The following CSMD1 variants were observed in gnomAD, a reference collection of about 807,000 sequenced individuals.
CSMD1 encodes CUB and Sushi multiple domains 1.
A neutral mutation model predicts 417.5 loss-of-function variants in CSMD1; 213 were observed. The ratio of observed to expected loss-of-function variants is 0.51; its 90% CI spans 0.46 to 0.57. The LOEUF is 0.57. Among genes scored for constraint, CSMD1 ranks in the 20% least tolerant of loss-of-function variants. The pLI is 0.00. For synonymous variants in CSMD1, 2,862 were observed against 1,736.8 expected, an observed-to-expected ratio of 1.65 and a Z score of -16.11; for missense variants, 6,923 against 4,529.7, an observed-to-expected ratio of 1.53 and a Z score of -15.17.
chr8:3,616,280 T>A (rs986415114), intron 8 of CSMD1, among the ~76,000 whole-genome samples: 1 of 152,136 alleles, frequency 6.6e-6, no homozygotes, highest in African/African-American at 2.4e-5. Flanking sequence ...CTCATGTTAG[T>A]GAGTGAGTTC....
chr8:3,420,787 A>G (rs1813439579), intron 12 of CSMD1, among the ~76,000 whole-genome samples: 2 of 152,184 alleles, frequency 1.3e-5, no homozygotes, highest in African/African-American at 2.4e-5. Context: ...TACTTTCACC[A>G]TTCTGCGCAT....
intron 2 of CSMD1, among the ~76,000 whole-genome samples, chr8:4,462,929 CA>C (rs1311223057): frequency 6.6e-6 from 1 of 152,004 alleles, no homozygotes; most frequent in East Asian, 1.9e-4. Flanking sequence ...GATATGACAT[CA>C]AAAGCACAAG....
chr8:4,166,134 T>A (rs1279407353), intron 3 of CSMD1, among the ~76,000 whole-genome samples: 1 of 152,174 alleles, frequency 6.6e-6, no homozygotes, highest in Non-Finnish European at 1.5e-5. Context: ...GCAAACATAA[T>A]GTGAACCCCA....
intron 3 of CSMD1, among the ~76,000 whole-genome samples, chr8:4,258,903 G>T (rs73500607): frequency 0.13 from 19,291 of 152,092 alleles, 1,428 homozygotes; most frequent in East Asian, 0.35. Context: ...TTTAAACTTT[G>T]CTTTGTTCTA....
At chr8:3,585,801 A>C (rs1333327463) in intron 9 of CSMD1, among the ~76,000 whole-genome samples, 2 of 152,188 alleles carry the variant, frequency 1.3e-5, no homozygotes, top group African/African-American at 4.8e-5. Context: ...CGGGGTGCAC[A>C]GAAACCTTTC....
intron 3 of CSMD1, among the ~76,000 whole-genome samples, chr8:4,330,208 A>ACATCCGTCAGATCCACCTGTCAGATC (rs1563061995): frequency 6.6e-6 from 1 of 151,238 alleles, no homozygotes; most frequent in Non-Finnish European, 1.5e-5. Context: ...TTTCTCCATA[A>ACATCCGTCAGATCCACCTGTCAGATC]CACCCGTCAG....
chr8:3,268,380 C>T lies in CSMD1; in HGVS notation c.4153+15764G>A, dbSNP rs909651643. Among the ~76,000 whole-genome samples, 22 of 148,980 alleles carry T rather than the reference C, an allele frequency of 1.5e-4. No individual in the cohort carries two copies. In the South Asian group the frequency reaches 3.9e-3, roughly 26 times the overall value. ...CTCAGCTCACTGCAAGCTCCGCCTCCGAGGTTCACACCATTCTCCTGCCTC... is the reference window on the plus strand; with the variant it reads ...CTCAGCTCACTGCAAGCTCCGCCTCTGAGGTTCACACCATTCTCCTGCCTC... On this transcript the variant is annotated intron_variant, in intron 26 of 69. Transcript: ENST00000635120.
intron 3 of CSMD1, among the ~76,000 whole-genome samples, chr8:4,072,658 C>T (rs1156715813): frequency 6.6e-6 from 1 of 152,168 alleles, no homozygotes; most frequent in Non-Finnish European, 1.5e-5. Flanking sequence ...AGGAAGGCTT[C>T]CCCTTTATTT....
chr8:3,385,067 TAA>T (rs1279436106), intron 18 of CSMD1, among the ~76,000 whole-genome samples: 2 of 115,222 alleles, frequency 1.7e-5, no homozygotes, highest in Non-Finnish European at 3.2e-5. Context: ...ATATAATATA[TAA>T]ATATATATAT....
At chr8:4,052,223 C>G (rs1249674777) in intron 3 of CSMD1, among the ~76,000 whole-genome samples, 1 of 152,128 alleles carries the variant, frequency 6.6e-6, no homozygotes, top group Non-Finnish European at 1.5e-5. Context: ...CCGTGCCCAC[C>G]CAGTACTGCA....
Position 4,340,755 on chromosome 8 carries a change from T to G in CSMD1, c.415+79198A>C, listed in dbSNP as rs565292596. ...CTGAAAATTTATTTTCAGCAAACTC[T>G]GCAAAACTGTCAAGCAAACTCATAA... On this transcript the variant is annotated intron_variant, in intron 3 of 69. Coordinates refer to ENST00000635120, the MANE Select transcript of CSMD1 (RefSeq NM_033225.6). Among the ~76,000 whole-genome samples the G allele has an allele frequency of 3.4e-4, 52 of 152,196 alleles. 1 individual carries two copies. The South Asian group carries it at 9.9e-3, about 29-fold the overall frequency.
intron 3 of CSMD1, among the ~76,000 whole-genome samples, chr8:4,251,143 G>C (rs1448731385): frequency 6.6e-6 from 1 of 152,080 alleles, no homozygotes; most frequent in Non-Finnish European, 1.5e-5. Context: ...AAAGAGAAAA[G>C]TATAAAGGTA....
At chr8:4,115,965 TTTA>T (rs1802114033) in intron 3 of CSMD1, among the ~76,000 whole-genome samples, 2 of 502 alleles carry the variant, frequency 4.0e-3, no homozygotes, top group African/African-American at 0.011. Flanking sequence ...TTTTCATTAT[TTTA>T]TTTATTTATT....
At chr8:3,419,756 T>A (rs1813372273) in intron 12 of CSMD1, among the ~76,000 whole-genome samples, 1 of 152,240 alleles carries the variant, frequency 6.6e-6, no homozygotes, top group South Asian at 2.1e-4. Context: ...TCTGCATATC[T>A]AGATTCATTA....
chr8:4,282,170 C>G (rs1224587092), intron 3 of CSMD1, among the ~76,000 whole-genome samples: 1 of 152,164 alleles, frequency 6.6e-6, no homozygotes, highest in Non-Finnish European at 1.5e-5. Flanking sequence ...AAAATAACTT[C>G]TGAAGTCACG....
intron 12 of CSMD1, among the ~76,000 whole-genome samples, chr8:3,440,817 A>C (rs1814929150): frequency 6.6e-6 from 1 of 152,208 alleles, no homozygotes; most frequent in South Asian, 2.1e-4. Flanking sequence ...TTTATCACAA[A>C]CTGAGGACGA....
chr8:4,857,048 G>C (rs1225072619), intron 1 of CSMD1, among the ~76,000 whole-genome samples: 1 of 148,408 alleles, frequency 6.7e-6, no homozygotes, highest in Non-Finnish European at 1.5e-5. Context: ...TAAAAGAACA[G>C]AAATTATAAC....
intron 12 of CSMD1, among the ~76,000 whole-genome samples, chr8:3,444,155 G>GT (rs1815161060): frequency 6.6e-6 from 1 of 152,102 alleles, no homozygotes; most frequent in Admixed American, 6.6e-5. Flanking sequence ...GATTAATATT[G>GT]TAAGTGTCCA....
chr8:4,153,915 C>G (rs563505613), intron 3 of CSMD1, among the ~76,000 whole-genome samples: 1 of 152,342 alleles, frequency 6.6e-6, no homozygotes, highest in South Asian at 2.1e-4. Flanking sequence ...TCTAACCCAG[C>G]CAACGAGGCA....
Sources: gnomAD v4.1 joint callset for allele counts (sites outside exome capture counted in the v4.1 genomes callset) on GRCh38, gnomAD v4.1.1 for gene constraint, MANE v1.5 for transcripts, NCBI Gene and HGNC (gene_info 2026-07-23, HGNC 2026-07-21) for gene names.